The following KCNIP4 variants were observed in gnomAD, a reference collection of about 807,000 sequenced individuals.
KCNIP4 encodes potassium voltage-gated channel interacting protein 4, also known as Kv channel-interacting protein 4.
In KCNIP4, 12 loss-of-function variants were observed where a neutral mutation model predicts 34.0. The observed-to-expected ratio is 0.35, with a 90% CI of 0.23 to 0.57. KCNIP4 has a LOEUF of 0.57. Among genes scored for constraint, KCNIP4 ranks in the 20% least tolerant of loss-of-function variants. KCNIP4 has a pLI of 0.83. For synonymous variants in KCNIP4, 124 were observed against 102.2 expected (o/e 1.21, Z -1.29); for missense variants, 238 against 311.7 (o/e 0.76, Z 1.78).
intron 3 of KCNIP4, among the ~76,000 whole-genome samples, chr4:20,791,137 TA>T (rs1178271159): frequency 7.2e-5 from 11 of 152,172 alleles, no homozygotes; most frequent in African/African-American, 2.7e-4. Context: ...TAATGCAAGT[TA>T]GAAGACAATA....
chr4:21,425,639 A>AT (rs1725863377), intron 1 of KCNIP4, among the ~76,000 whole-genome samples: 2 of 152,204 alleles, frequency 1.3e-5, no homozygotes, highest in Admixed American at 6.5e-5. Flanking sequence ...ATATGTCATT[A>AT]ACCTTTACTA....
intron 1 of KCNIP4, among the ~76,000 whole-genome samples, chr4:21,709,794 G>T (rs1224734562): frequency 6.6e-6 from 1 of 152,134 alleles, no homozygotes; most frequent in South Asian, 2.1e-4. Context: ...GTGATGTCTT[G>T]TCTACACCAG....
At chr4:21,873,075 T>C (rs1386669967) in intron 1 of KCNIP4, among the ~76,000 whole-genome samples, 1 of 152,230 alleles carries the variant, frequency 6.6e-6, no homozygotes, top group African/African-American at 2.4e-5. Flanking sequence ...ATCCACCATT[T>C]TGTATGTGCA....
chr4:20,867,375 C>T lies in KCNIP4; in HGVS notation c.163+15233G>A, dbSNP rs765743412. Among the ~76,000 whole-genome samples, 43 of 151,962 alleles carry T rather than the reference C, an allele frequency of 2.8e-4. 1 individual carries two copies. Among genetic ancestry groups the T allele is most frequent in the Middle Eastern group, 6.8e-3 (2 of 294 alleles). On this transcript the variant is annotated intron_variant, in intron 2 of 8. Coordinates refer to ENST00000382152, the MANE Select transcript of KCNIP4 (RefSeq NM_025221.6). ...GAAAACCCAGAAATAAAGTCACACG[C>T]CTACCACCGTCTGATCTTTGACAAG...
intron 1 of KCNIP4, among the ~76,000 whole-genome samples, chr4:21,157,711 T>C (rs1156366295): frequency 2.0e-5 from 3 of 152,122 alleles, no homozygotes; most frequent in Non-Finnish European, 2.9e-5. Flanking sequence ...TAAATATCTA[T>C]GTTCGATAGC....
At position 21,646,087 on chromosome 4, in the gene KCNIP4, G is replaced by A. The variant is rs572328239; in HGVS notation, c.61+302484C>T. 1.3e-4 allele frequency among the ~76,000 whole-genome samples: 20 copies of A among 152,168 alleles called. No individual in the cohort carries two copies. In the South Asian group the frequency reaches 2.9e-3, roughly 22 times the overall value. On this transcript the variant is annotated intron_variant, in intron 1 of 8. Transcript: ENST00000382152. Reference sequence around the variant, plus strand: ...GTCTCTCATCTGAATCATAAAGAGCGTATCACTCACTTTATTTCTACCACC... The same window carrying A: ...GTCTCTCATCTGAATCATAAAGAGCATATCACTCACTTTATTTCTACCACC...
intron 1 of KCNIP4, among the ~76,000 whole-genome samples, chr4:21,196,621 G>A (rs1756074776): frequency 6.6e-6 from 1 of 152,160 alleles, no homozygotes; most frequent in South Asian, 2.1e-4. Flanking sequence ...TTGGTTTGCT[G>A]TTCTGATATT....
intron 1 of KCNIP4, among the ~76,000 whole-genome samples, chr4:21,290,796 C>A (rs1763399949): frequency 6.6e-6 from 1 of 152,114 alleles, no homozygotes; most frequent in African/African-American, 2.4e-5. Context: ...ATGACAGAGC[C>A]TTTTCAAGGT....
intron 1 of KCNIP4, among the ~76,000 whole-genome samples, chr4:20,991,204 T>G (rs1037248318): frequency 6.6e-6 from 1 of 152,180 alleles, no homozygotes; most frequent in Non-Finnish European, 1.5e-5. Context: ...TTTATTTTAT[T>G]TTTTACTGTG....
At chr4:21,851,996 ATGTG>A (rs930861529) in intron 1 of KCNIP4, 7 of 10,572 alleles carry the variant, frequency 6.6e-4, no homozygotes, top group African/African-American at 7.4e-4. Flanking sequence ...TTCAATTAAT[ATGTG>A]TGTGTGTGTG....
intron 1 of KCNIP4, among the ~76,000 whole-genome samples, chr4:20,895,112 C>T (rs1278608652): frequency 6.6e-6 from 1 of 152,196 alleles, no homozygotes; most frequent in Non-Finnish European, 1.5e-5. Flanking sequence ...GACTTCTGTA[C>T]TGCACTAACA....
chr4:21,851,896 T>G (rs565798635), intron 1 of KCNIP4: 4 of 152,188 alleles, frequency 2.6e-5, no homozygotes, highest in Admixed American at 6.5e-5. Context: ...CTTAATAAAA[T>G]TTTTGCTTTT....
intron 1 of KCNIP4, among the ~76,000 whole-genome samples, chr4:21,490,023 C>T (rs921029266): frequency 6.6e-6 from 1 of 152,068 alleles, no homozygotes; most frequent in African/African-American, 2.4e-5. Flanking sequence ...ATTTTGAGAA[C>T]AAAGGATATG....
rs761168681 is a variant in KCNIP4, at chr4:20,992,873, C to T, written c.62-110164G>A. On this transcript the variant is annotated intron_variant, in intron 1 of 8. Transcript: ENST00000382152. ...TGAAACCCTGTCTCTACTAAAAATACAAAAATCAGCCGGGCGCGGCGGTGG... is the reference window on the plus strand; with the variant it reads ...TGAAACCCTGTCTCTACTAAAAATATAAAAATCAGCCGGGCGCGGCGGTGG... 1.2e-4 allele frequency among the ~76,000 whole-genome samples: 18 copies of T among 151,658 alleles called. 1 individual carries two copies. The highest frequency in any genetic ancestry group is 8.8e-5 in the Non-Finnish European group (6 of 67,934).
At chr4:20,840,515 T>C (rs937659471) in intron 3 of KCNIP4, among the ~76,000 whole-genome samples, 3 of 152,120 alleles carry the variant, frequency 2.0e-5, no homozygotes, top group African/African-American at 7.2e-5. Flanking sequence ...GTGGAATGTC[T>C]GTTAGTCCAA....
chr4:21,172,698 C>A (rs1754101805), intron 1 of KCNIP4, among the ~76,000 whole-genome samples: 1 of 152,108 alleles, frequency 6.6e-6, no homozygotes, highest in African/African-American at 2.4e-5. Context: ...AACATAATGG[C>A]ATTTATAAAG....
intron 1 of KCNIP4, among the ~76,000 whole-genome samples, chr4:21,793,873 T>C (rs1720451188): frequency 6.6e-6 from 1 of 152,148 alleles, no homozygotes; most frequent in African/African-American, 2.4e-5. Context: ...AGCAAAGACT[T>C]GGAACCAACC....
At chr4:21,365,048 G>A (rs1220368827) in intron 1 of KCNIP4, among the ~76,000 whole-genome samples, 1 of 152,158 alleles carries the variant, frequency 6.6e-6, no homozygotes, top group Non-Finnish European at 1.5e-5. Context: ...AAAGGAGAAA[G>A]GAGTTTTCTC....
chr4:20,854,822 G>A (rs955910728), intron 2 of KCNIP4, among the ~76,000 whole-genome samples: 5 of 152,102 alleles, frequency 3.3e-5, no homozygotes, highest in African/African-American at 1.2e-4. Context: ...ATTCTATTTA[G>A]GTCCATTTTG....
Sources: gnomAD v4.1 joint callset for allele counts (sites outside exome capture counted in the v4.1 genomes callset) on GRCh38, gnomAD v4.1.1 for gene constraint, MANE v1.5 for transcripts, NCBI Gene and HGNC (gene_info 2026-07-23, HGNC 2026-07-21) for gene names.